The following PCDH15 variants were observed in gnomAD, a reference collection of about 807,000 sequenced individuals.
PCDH15 encodes the protein protocadherin related 15.
A neutral mutation model predicts 178.5 loss-of-function variants in PCDH15; 129 were observed. That is an observed-to-expected ratio of 0.72 (90% CI 0.63 to 0.84). PCDH15 has a LOEUF of 0.84. Among genes scored for constraint, PCDH15 ranks in the 40% least tolerant of loss-of-function variants. The probability of loss-of-function intolerance (pLI) is 0.00; values close to 1 mark genes in which losing one functional copy is unlikely to be tolerated. For missense variants in PCDH15, 2,230 were observed against 2,099.9 expected (o/e 1.06, Z -1.21); for synonymous variants, 800 against 732.0 (o/e 1.09, Z -1.50).
intron 18 of PCDH15, among the ~76,000 whole-genome samples, chr10:54,047,390 CT>C (rs35511606): frequency 0.14 from 19,882 of 144,540 alleles, 1,523 homozygotes; most frequent in African/African-American, 0.22. Context: ...GTGATAATCA[CT>C]TTTTTTTTTT....
intron 2 of PCDH15, among the ~76,000 whole-genome samples, chr10:54,967,318 G>C (rs576598223): frequency 6.6e-5 from 10 of 152,116 alleles, no homozygotes; most frequent in African/African-American, 2.4e-4. Context: ...CCACTGGATA[G>C]GTGTTGAGAT....
At chr10:54,087,180 A>G (rs2094528383) in intron 16 of PCDH15, among the ~76,000 whole-genome samples, 1 of 151,360 alleles carries the variant, frequency 6.6e-6, no homozygotes, top group African/African-American at 2.4e-5. Context: ...CAGATATCAT[A>G]AAATCCACCA....
intron 2 of PCDH15, among the ~76,000 whole-genome samples, chr10:55,508,320 A>AT (rs939882002): frequency 1.3e-5 from 2 of 151,714 alleles, no homozygotes; most frequent in Admixed American, 6.6e-5. Flanking sequence ...ATTAGAAATC[A>AT]TTTTTTCCAA....
At chr10:53,846,023 T>TACACACAC (rs71461206) in intron 28 of PCDH15, among the ~76,000 whole-genome samples, 10,077 of 147,040 alleles carry the variant, frequency 0.069, 385 homozygotes, top group East Asian at 0.11. Flanking sequence ...TGTATGTGTA[T>TACACACAC]ACACACACAC....
intron 1 of PCDH15, among the ~76,000 whole-genome samples, chr10:54,781,153 G>A (rs574068610): frequency 1.3e-5 from 2 of 151,974 alleles, no homozygotes; most frequent in East Asian, 3.9e-4. Context: ...ATGTTTTTTG[G>A]CTTTTTAAGA....
At chr10:55,058,333 C>T (rs1841354315) in intron 2 of PCDH15, among the ~76,000 whole-genome samples, 1 of 152,080 alleles carries the variant, frequency 6.6e-6, no homozygotes, top group African/African-American at 2.4e-5. Context: ...ACCTCAGCCT[C>T]CAGAATAGCT....
intron 2 of PCDH15, among the ~76,000 whole-genome samples, chr10:55,362,964 TA>T (rs1845266305): frequency 6.6e-6 from 1 of 152,118 alleles, no homozygotes; most frequent in African/African-American, 2.4e-5. Flanking sequence ...GCTAATAAAA[TA>T]AAATAAAATT....
chr10:55,394,851 A>G (rs1837882844), intron 2 of PCDH15, among the ~76,000 whole-genome samples: 1 of 152,102 alleles, frequency 6.6e-6, no homozygotes, highest in Non-Finnish European at 1.5e-5. Context: ...ATTTATCAGT[A>G]TCTTCTGGTG....
At chr10:53,878,994 G>T (rs1900426) in intron 26 of PCDH15, among the ~76,000 whole-genome samples, 96,384 of 151,520 alleles carry the variant, frequency 0.64, 31,327 homozygotes, top group Middle Eastern at 0.78. Flanking sequence ...TGCAGTGCCT[G>T]GTACAAAGTA....
intron 28 of PCDH15, among the ~76,000 whole-genome samples, chr10:53,844,524 TAAA>T (rs1234536556): frequency 6.6e-6 from 1 of 151,726 alleles, no homozygotes; most frequent in African/African-American, 2.4e-5. Flanking sequence ...GATATGACCA[TAAA>T]AACAGACACG....
intron 21 of PCDH15, among the ~76,000 whole-genome samples, chr10:53,970,371 A>T (rs1468876670): frequency 1.3e-5 from 2 of 152,154 alleles, no homozygotes; most frequent in Non-Finnish European, 2.9e-5. Context: ...AAGTCCTTGG[A>T]GACCTACAAA....
chr10:54,313,211 C>T (rs2061016029), intron 8 of PCDH15, among the ~76,000 whole-genome samples: 1 of 151,956 alleles, frequency 6.6e-6, no homozygotes. Context: ...TGCTCTTTGC[C>T]CAAACACTAC....
chr10:55,441,118 A>T (rs1238649616), intron 2 of PCDH15, among the ~76,000 whole-genome samples: 1 of 152,178 alleles, frequency 6.6e-6, no homozygotes, highest in Non-Finnish European at 1.5e-5. Flanking sequence ...AATTCTCTAC[A>T]AGTCTAATTT....
chr10:55,569,061 G>A (rs926715094), intron 2 of PCDH15, among the ~76,000 whole-genome samples: 14 of 151,990 alleles, frequency 9.2e-5, no homozygotes, highest in Admixed American at 6.6e-5. Context: ...GCAATAAGGC[G>A]ACAAATCACT....
intron 3 of PCDH15, among the ~76,000 whole-genome samples, chr10:54,434,946 C>T (rs2183973): frequency 0.48 from 72,443 of 151,980 alleles, 18,052 homozygotes; most frequent in Middle Eastern, 0.52. Flanking sequence ...TAGGACAAAA[C>T]TGATGTGAAA....
chr10:54,694,660 T>C (rs991887506), intron 1 of PCDH15, among the ~76,000 whole-genome samples: 1 of 152,026 alleles, frequency 6.6e-6, no homozygotes, highest in African/African-American at 2.4e-5. Context: ...TCAACTACTA[T>C]TGTAGTTGAT....
At chr10:53,879,417 G>A (rs1193200755) in intron 26 of PCDH15, among the ~76,000 whole-genome samples, 2 of 152,130 alleles carry the variant, frequency 1.3e-5, no homozygotes, top group Non-Finnish European at 2.9e-5. Context: ...GAGCCAAGAA[G>A]CAGTAGCTGA....
At chr10:54,213,841 A>T in intron 10 of PCDH15, 95 bp downstream of exon 10, 1 of 806,660 alleles carries the variant, frequency 1.2e-6, no homozygotes, top group Non-Finnish European at 2.0e-6. Context: ...CATTAATTTT[A>T]ATTTTATAAC....
intron 1 of PCDH15, among the ~76,000 whole-genome samples, chr10:54,669,518 A>G (rs976449404): frequency 7.3e-5 from 11 of 151,068 alleles, no homozygotes; most frequent in Non-Finnish European, 1.3e-4. Flanking sequence ...AGGTAATATC[A>G]ATGATATTGA....
Sources: gnomAD v4.1 joint callset for allele counts (sites outside exome capture counted in the v4.1 genomes callset) on GRCh38, gnomAD v4.1.1 for gene constraint, MANE v1.5 for transcripts, NCBI Gene and HGNC (gene_info 2026-07-23, HGNC 2026-07-21) for gene names.